Variants in ADGRG1 observed in about 807,000 individuals in gnomAD.
ADGRG1 encodes the protein 7-transmembrane protein with no EGF-like N-terminal domains-1.
Under a neutral mutation model 73.5 loss-of-function variants are expected in ADGRG1, and 53 were observed. The observed-to-expected ratio is 0.72, with a 90% CI of 0.58 to 0.91. The LOEUF is 0.91. ADGRG1 is among the 40% of genes least tolerant of loss of function. ADGRG1 has a pLI of 0.00. For missense variants in ADGRG1, 795 were observed against 871.8 expected (o/e 0.91, Z 1.11); for synonymous variants, 394 against 374.4 (o/e 1.05, Z -0.60).
At chr16:57,659,298 C>T (rs1052348804) in intron 10 of ADGRG1, 115 bp from the exon 11 acceptor site, 3 of 1,584,504 alleles carry the variant, frequency 1.9e-6, no homozygotes, top group Non-Finnish European at 2.6e-6. Flanking sequence ...CCATGTATGA[C>T]TGCATGTGTG....
At chr16:57,655,326 T>G (rs2045421153) in intron 5 of ADGRG1, 73 bp from the exon 6 acceptor site, 2 of 1,597,260 alleles carry the variant, frequency 1.3e-6, no homozygotes, top group Non-Finnish European at 8.5e-7. Flanking sequence ...TGGGTGTGTG[T>G]GTGTGTGTGC....
chr16:57,642,373 A>G (rs1425155393), intron 1 of ADGRG1: 20 of 964,438 alleles, frequency 2.1e-5, no homozygotes, highest in Non-Finnish European at 2.1e-5. Context: ...TGTCTCCTCT[A>G]GCTCATCTCA....
intron 1 of ADGRG1, chr16:57,637,390 C>T: frequency 2.0e-6 from 2 of 984,860 alleles, no homozygotes; most frequent in Non-Finnish European, 2.4e-6. Context: ...GGAAGCTGTG[C>T]CTCTGTTTCT....
intron 7 of ADGRG1, 39 bp downstream of exon 7, chr16:57,656,031 CG>C (rs1567786442): frequency 6.2e-7 from 1 of 1,613,792 alleles, no homozygotes; most frequent in Non-Finnish European, 8.5e-7. Flanking sequence ...AAGCGCCCCT[CG>C]GCCATGTCAC....
intron 1 of ADGRG1, chr16:57,634,070 G>A (rs761595361): frequency 1.4e-5 from 14 of 985,280 alleles, no homozygotes; most frequent in Non-Finnish European, 1.7e-5. Flanking sequence ...CCCTAGCCCT[G>A]GAGAGGAGGC....
chr16:57,655,340 G>C, intron 5 of ADGRG1, 59 bp from the exon 6 acceptor site: 1 of 1,599,884 alleles, frequency 6.3e-7, no homozygotes. Context: ...TGTGTGCTAG[G>C]GTGGGGGGCA....
Position 57,657,276 on chromosome 16 carries a change from G to A in ADGRG1, c.1168-97G>A, listed in dbSNP as rs1469785829. On this transcript the variant is annotated intron_variant, in intron 9 of 13. Transcript: ENST00000562631. ...GAGAGGGGGTTCTTAGGCTTCCGAG[G>A]CCCACCAGGGACCCCAGGTTAGCCC... The A allele has an allele frequency of 1.9e-6, 3 of 1,588,714 alleles. No homozygotes were observed. In the African/African-American group the frequency reaches 4.0e-5, roughly 21 times the overall value.
intron 1 of ADGRG1, chr16:57,630,888 C>T (rs983522135): frequency 1.2e-5 from 11 of 899,218 alleles, no homozygotes; most frequent in East Asian, 1.2e-4. Flanking sequence ...CTGGGGACCA[C>T]GGGGAGGGTG....
In ADGRG1 at chr16:57,663,666, C is replaced by G. The variant is rs2047818037; in HGVS notation, c.*84C>G. The stretch of plus-strand genomic sequence containing the variant: ...TGTGGCCCCCGAGCCCGGCCCAGCC[C>G]CAGGCCAGTCAGCCGCAGACTTTGG... On this transcript the variant is annotated 3_prime_UTR_variant, in exon 14 of 14. Transcript: ENST00000562631. 2.7e-6 allele frequency: 4 copies of G among 1,472,842 alleles called. No individual in the cohort carries two copies. Among genetic ancestry groups the G allele is most frequent in the East Asian group, 2.3e-5 (1 of 44,130 alleles). The allele number at this position is 1,472,842 out of a possible 1,614,324, so 91.2% of individuals were successfully genotyped here.
Position 57,655,461 on chromosome 16 carries a change from G to A in ADGRG1, c.831G>A (p.Thr277=), listed in dbSNP as rs552642182. 2.5e-5 allele frequency: 41 copies of A among 1,613,718 alleles called. No individual in the cohort carries two copies. Among genetic ancestry groups the A allele is most frequent in the Middle Eastern group, 1.6e-4 (1 of 6,084 alleles). The change falls in exon 6 of 14, where the codon ACG becomes ACA. Residue 277 remains threonine (T), a synonymous_variant. Transcript: ENST00000562631. ...TGCCTCGAACACTCTTCCAGAGGAC[G>A]AAAGGCCGGAGCGGGGAGGCTGAGA... ...VLLPRTLFQR[T]KGRSGEAEKR... is the part of the protein sequence containing the mutation.
Position 57,649,303 on chromosome 16 carries a change from G to A in ADGRG1, c.-35-950G>A, listed in dbSNP as rs376168901. Among the ~76,000 whole-genome samples, 177 of 152,292 alleles carry A rather than the reference G, an allele frequency of 1.2e-3. 2 individuals are homozygous for A. In the South Asian group the frequency reaches 0.032, roughly 28 times the overall value. ...TGTCCATCCCCACAGCCTTTATCCAGCAACCTCTGTACAGCCAGGGCCTGC... is the reference window on the plus strand; with the variant it reads ...TGTCCATCCCCACAGCCTTTATCCAACAACCTCTGTACAGCCAGGGCCTGC... On this transcript the variant is annotated intron_variant, in intron 1 of 13. Transcript: ENST00000562631.
rs548884724 is a variant in ADGRG1 at position 57,662,977 on chromosome 16, G to C, written c.1934-475G>C. 4 of 985,262 alleles carry C rather than the reference G, an allele frequency of 4.1e-6. No individual in the cohort carries two copies. The African/African-American group carries it at 7.0e-5, about 17-fold the overall frequency. 61.0% of individuals were successfully genotyped at this position (985,262 alleles called of 1,614,324 possible). On this transcript the variant is annotated intron_variant, in intron 13 of 13. Transcript: ENST00000562631. ...CACATTTCGGTTATTTAACATTCAA[G>C]CCTTCATTCCTGCCTGTGAGATGAG...
chr16:57,645,748 C>T (rs1371594627), intron 1 of ADGRG1, among the ~76,000 whole-genome samples: 1 of 152,214 alleles, frequency 6.6e-6, no homozygotes, highest in African/African-American at 2.4e-5. Context: ...TGCATTTCAG[C>T]TCACTCCCAG....
chr16:57,625,460 T>C, upstream of ADGRG1: 1 of 453,482 alleles, frequency 2.2e-6, no homozygotes, highest in Non-Finnish European at 2.9e-6. Flanking sequence ...CCAGCCCTTT[T>C]CCTGGTCTCT....
Position 57,662,496 on chromosome 16 carries a change from G to A in ADGRG1, c.1933+531G>A, listed in dbSNP as rs562416240. Among the ~76,000 whole-genome samples the A allele has an allele frequency of 2.6e-5, 4 of 152,270 alleles. No individual in the cohort carries two copies. The East Asian group carries it at 7.7e-4, about 29-fold the overall frequency. On this transcript the variant is annotated intron_variant, in intron 13 of 13. Coordinates refer to ENST00000562631, the MANE Select transcript of ADGRG1 (RefSeq NM_201525.4). ...AGCTTTTTGGAAACGCAGCCTCTGG[G>A]CCACCCGGGCCCTGCCACATCAGAA...
At position 57,661,925 on chromosome 16, in the gene ADGRG1, TGTC is replaced by T; in HGVS notation, c.1897_1899del (p.Val633del). The T allele has an allele frequency of 6.2e-7, 1 of 1,614,266 alleles. No individual in the cohort carries two copies. Among genetic ancestry groups the T allele is most frequent in the Non-Finnish European group, 8.5e-7 (1 of 1,180,036 alleles). ...CCTTTGCTTCTGGCACCTTCCAGCT[TGTC>T]GTCCTCTACCTTTTCAGCATCATCA... is the stretch of plus-strand genomic sequence containing the variant. On this transcript the variant is annotated inframe_deletion, in exon 13 of 14. Transcript: ENST00000562631.
At chr16:57,634,788 G>A (rs2038945296) in intron 1 of ADGRG1, among the ~76,000 whole-genome samples, 1 of 152,228 alleles carries the variant, frequency 6.6e-6, no homozygotes, top group Non-Finnish European at 1.5e-5. Flanking sequence ...AGCCTTGGGG[G>A]AGATGGGCAC....
At chr16:57,663,057 G>C in intron 13 of ADGRG1, 1 of 985,396 alleles carries the variant, frequency 1.0e-6, no homozygotes, top group Non-Finnish European at 1.2e-6. Flanking sequence ...TTACTAAGCT[G>C]TGGATACATC....
intron 6 of ADGRG1, 90 bp from the exon 7 acceptor site, chr16:57,655,786 G>C (rs1431457156): frequency 6.2e-7 from 1 of 1,612,838 alleles, no homozygotes; most frequent in East Asian, 2.2e-5. Context: ...GCTGGGAGAG[G>C]GTTATCTAGA....
Sources: gnomAD v4.1 joint callset for allele counts (sites outside exome capture counted in the v4.1 genomes callset) on GRCh38, gnomAD v4.1.1 for gene constraint, MANE v1.5 for transcripts, NCBI Gene and HGNC (gene_info 2026-07-23, HGNC 2026-07-21) for gene names.